Variants in RBFOX1 observed in about 807,000 individuals in gnomAD.
RBFOX1 encodes the protein RNA binding protein fox-1 homolog 1.
In RBFOX1, 8 loss-of-function variants were observed where a neutral mutation model predicts 57.7. The ratio of observed to expected loss-of-function variants is 0.14; its 90% CI spans 0.08 to 0.25. The LOEUF is 0.25. RBFOX1 is among the 10% of genes least tolerant of loss of function. The pLI is 1.00. For missense variants in RBFOX1, 611 were observed against 548.5 expected (o/e 1.11, Z -1.14); for synonymous variants, 326 against 222.4 (o/e 1.47, Z -4.15).
chr16:6,963,003 C>G (rs74008491), intron 3 of RBFOX1, among the ~76,000 whole-genome samples: 4,024 of 152,218 alleles, frequency 0.026, 176 homozygotes, highest in African/African-American at 0.092. Flanking sequence ...TGACTCCCAG[C>G]CAAGAATCAG....
At chr16:7,183,116 GC>G (rs1234785057) in intron 4 of RBFOX1, among the ~76,000 whole-genome samples, 1 of 152,114 alleles carries the variant, frequency 6.6e-6, no homozygotes, top group Non-Finnish European at 1.5e-5. Context: ...GAATTGAATT[GC>G]CCCAGCTGGG....
intron 3 of RBFOX1, among the ~76,000 whole-genome samples, chr16:6,976,085 C>T (rs187793961): frequency 6.6e-6 from 1 of 152,090 alleles, no homozygotes; most frequent in Non-Finnish European, 1.5e-5. Flanking sequence ...CAAGATCGTC[C>T]CACTGCAGTT....
chr16:5,306,172 G>C (rs913135111), intron 1 of RBFOX1, among the ~76,000 whole-genome samples: 2 of 152,300 alleles, frequency 1.3e-5, no homozygotes, highest in African/African-American at 2.4e-5. Flanking sequence ...TTGCACTCCA[G>C]CCTGGGCGCA....
In RBFOX1 at chr16:7,705,333, C is replaced by T. The variant is rs79106601; in HGVS notation, c.996-3723C>T. Among the ~76,000 whole-genome samples, 1,224 of 152,070 alleles carry T rather than the reference C, an allele frequency of 8.0e-3. 18 individuals are homozygous for T. The highest frequency in any genetic ancestry group is 0.028 in the African/African-American group (1,147 of 41,492). On this transcript the variant is annotated intron_variant, in intron 14 of 15. Transcript: ENST00000550418. ...CATCGTGGCTAACACAGTGAAGCCC[C>T]ATATCTACTAAAAATAGAAAAATTA... is the stretch of plus-strand genomic sequence containing the variant.
intron 4 of RBFOX1, among the ~76,000 whole-genome samples, chr16:7,369,011 C>T (rs1425781879): frequency 1.3e-5 from 2 of 151,914 alleles, no homozygotes; most frequent in Non-Finnish European, 2.9e-5. Context: ...AGATGATCCT[C>T]CTGGCTCGAA....
chr16:6,463,762 C>T (rs754042131), intron 2 of RBFOX1, among the ~76,000 whole-genome samples: 15 of 152,190 alleles, frequency 9.9e-5, no homozygotes, highest in Non-Finnish European at 1.9e-4. Context: ...CAAGTTTCAT[C>T]TTATTCCCTG....
At chr16:7,132,138 G>T (rs1184865184) in intron 4 of RBFOX1, among the ~76,000 whole-genome samples, 4 of 151,540 alleles carry the variant, frequency 2.6e-5, no homozygotes, top group African/African-American at 9.7e-5. Flanking sequence ...CTTCCACCAT[G>T]CCCAGCTAAT....
At chr16:6,929,910 T>C (rs11641138) in intron 3 of RBFOX1, among the ~76,000 whole-genome samples, 51,989 of 152,050 alleles carry the variant, frequency 0.34, 9,095 homozygotes, top group Non-Finnish European at 0.38. Flanking sequence ...AGAAAATGTG[T>C]GGAAGGAAAA....
chr16:7,225,245 C>G (rs1157774008), intron 4 of RBFOX1, among the ~76,000 whole-genome samples: 1 of 152,076 alleles, frequency 6.6e-6, no homozygotes, highest in East Asian at 1.9e-4. Flanking sequence ...TGTCCCCACC[C>G]AAATCTCATC....
intron 4 of RBFOX1, among the ~76,000 whole-genome samples, chr16:7,509,390 C>CTGTGTGTGTGTGTG (rs34760329): frequency 2.1e-4 from 31 of 145,164 alleles, no homozygotes; most frequent in East Asian, 1.2e-3. Flanking sequence ...GAGCCAAGCC[C>CTGTGTGTGTGTGTG]TGTGTGTGTG....
intron 14 of RBFOX1, among the ~76,000 whole-genome samples, chr16:7,697,228 TG>T (rs2079079668): frequency 6.6e-6 from 1 of 151,974 alleles, no homozygotes; most frequent in Non-Finnish European, 1.5e-5. Context: ...TGGCTGTGGG[TG>T]AGAAGTGGTC....
At chr16:7,634,175 C>G (rs1218335611) in intron 11 of RBFOX1, among the ~76,000 whole-genome samples, 1 of 152,162 alleles carries the variant, frequency 6.6e-6, no homozygotes, top group African/African-American at 2.4e-5. Context: ...TACTTTTCAG[C>G]AATTGTGTAG....
chr16:5,826,940 T>G (rs1368510895), intron 3 of RBFOX1, among the ~76,000 whole-genome samples: 1 of 152,210 alleles, frequency 6.6e-6, no homozygotes, highest in Non-Finnish European at 1.5e-5. Context: ...CTTTGAAATA[T>G]TCCAGAAAAC....
intron 3 of RBFOX1, among the ~76,000 whole-genome samples, chr16:6,790,393 C>G (rs894990148): frequency 6.6e-6 from 1 of 152,016 alleles, no homozygotes; most frequent in African/African-American, 2.4e-5. Context: ...CCATGTTTGC[C>G]TGGCTGGTCT....
At chr16:5,614,501 G>A (rs988415344) in intron 3 of RBFOX1, among the ~76,000 whole-genome samples, 4 of 152,024 alleles carry the variant, frequency 2.6e-5, no homozygotes, top group East Asian at 1.9e-4. Flanking sequence ...AAATGACTTC[G>A]GATGCACTTT....
At chr16:6,025,596 T>C (rs1221532203) in intron 1 of RBFOX1, among the ~76,000 whole-genome samples, 1 of 152,190 alleles carries the variant, frequency 6.6e-6, no homozygotes, top group Non-Finnish European at 1.5e-5. Flanking sequence ...CTGAGAACAG[T>C]TGCACTCAGA....
chr16:7,068,447 C>T (rs1383067116), intron 4 of RBFOX1, among the ~76,000 whole-genome samples: 3 of 152,142 alleles, frequency 2.0e-5, no homozygotes, highest in East Asian at 3.9e-4. Flanking sequence ...CAGGACTCAC[C>T]TCTACCTGCC....
intron 4 of RBFOX1, among the ~76,000 whole-genome samples, chr16:7,470,692 A>G (rs1487189839): frequency 6.6e-6 from 1 of 152,086 alleles, no homozygotes; most frequent in African/African-American, 2.4e-5. Flanking sequence ...GGAAGAGTGG[A>G]TGAATATATA....
intron 4 of RBFOX1, chr16:7,510,083 G>A: frequency 1.0e-6 from 1 of 956,440 alleles, no homozygotes; most frequent in Non-Finnish European, 1.2e-6. Flanking sequence ...GGCCTTCCTG[G>A]CAGAAAAAGT....
Sources: allele counts gnomAD v4.1 joint callset (sites outside exome capture counted in the v4.1 genomes callset), GRCh38; gene constraint gnomAD v4.1.1; transcripts MANE v1.5; gene names NCBI Gene and HGNC (gene_info 2026-07-23, HGNC 2026-07-21).